The following ATP9A variants were observed in gnomAD, a reference collection of about 807,000 sequenced individuals.
The protein encoded by ATP9A is ATPase phospholipid transporting 9A, also known as probable phospholipid-transporting ATPase IIA.
In ATP9A, 52 loss-of-function variants were observed where a neutral mutation model predicts 144.1. The ratio of observed to expected loss-of-function variants is 0.36; its 90% CI spans 0.29 to 0.45. The LOEUF (loss-of-function observed/expected upper bound fraction) is 0.45, where lower values mean the gene tolerates loss of function less well. ATP9A is among the 20% of genes least tolerant of loss of function. The pLI is 1.00. For synonymous variants in ATP9A, 582 were observed against 557.4 expected, an observed-to-expected ratio of 1.04 and a Z score of -0.62; for missense variants, 947 against 1,392.7, an observed-to-expected ratio of 0.68 and a Z score of 5.09.
In ATP9A at chr20:51,598,183, AAAAG is replaced by A. The variant is rs139866325; in HGVS notation, c.*3024_*3027del. The A allele has an allele frequency of 9.4e-3, 983 of 104,188 alleles. 12 individuals carry two copies. Among genetic ancestry groups the A allele is most frequent in the African/African-American group, 0.034 (931 of 27,722 alleles). 6.5% of individuals were successfully genotyped at this position (104,188 alleles called of 1,614,324 possible). On this transcript the variant is annotated 3_prime_UTR_variant, in exon 28 of 28. Coordinates refer to ENST00000338821, the MANE Select transcript of ATP9A (RefSeq NM_006045.3). ...GTCTGGTGATTTTCTTAGAGAAAAA[AAAAG>A]AGAGACAAAAAGGAAGGGGTGGGGG...
At chr20:51,618,216 C>CT (rs2077211325) in intron 21 of ATP9A, among the ~76,000 whole-genome samples, 1 of 142,774 alleles carries the variant, frequency 7.0e-6, no homozygotes, top group African/African-American at 2.7e-5. Flanking sequence ...GTGACTCCGT[C>CT]TTAAAAAAAA....
At chr20:51,731,019 T>A (rs6096548) in intron 1 of ATP9A, among the ~76,000 whole-genome samples, 35,688 of 151,338 alleles carry the variant, frequency 0.24, 4,511 homozygotes, top group Non-Finnish European at 0.27. Context: ...AAAATTAAAT[T>A]TTTTAGCCAG....
intron 27 of ATP9A, among the ~76,000 whole-genome samples, chr20:51,603,698 G>C (rs1258464666): frequency 6.6e-6 from 1 of 152,162 alleles, no homozygotes. Flanking sequence ...ACTGAGGTCA[G>C]AGAAATCTGC....
intron 18 of ATP9A, among the ~76,000 whole-genome samples, chr20:51,624,623 C>T (rs925193948): frequency 3.9e-5 from 6 of 152,178 alleles, no homozygotes; most frequent in Admixed American, 3.9e-4. Context: ...ACGCTGGACA[C>T]TGCTCGGCCT....
rs1431858076 is a variant in ATP9A, at chr20:51,613,752, G to A, written c.2496C>T (p.Gly832=). The A allele has an allele frequency of 6.2e-7, 1 of 1,614,148 alleles. No individual in the cohort carries two copies. Among genetic ancestry groups the A allele is most frequent in the East Asian group, 2.2e-5 (1 of 44,884 alleles). ...KHLGRLLMVH[G]RNSYKRSAAL... ...CGGCTGACCGCTTGTAGCTGTTCCG[G>A]CCATGCACCATAAGCAACCGGCCAA... The change falls in exon 23 of 28, where the codon GGC becomes GGT. Residue 832 remains glycine, a synonymous_variant. Coordinates refer to ENST00000338821, the MANE Select transcript of ATP9A (RefSeq NM_006045.3).
intron 14 of ATP9A, among the ~76,000 whole-genome samples, chr20:51,655,550 C>A (rs1361090723): frequency 1.3e-5 from 2 of 152,152 alleles, no homozygotes; most frequent in Non-Finnish European, 2.9e-5. Flanking sequence ...CAGGGGCCAT[C>A]CGGAAAATAC....
chr20:51,715,570 C>T (rs191834066), intron 3 of ATP9A, among the ~76,000 whole-genome samples: 1 of 152,270 alleles, frequency 6.6e-6, no homozygotes, highest in Admixed American at 6.5e-5. Flanking sequence ...AGACAGGAGC[C>T]GCTCACTAAC....
intron 10 of ATP9A, 110 bp downstream of exon 10, chr20:51,676,022 T>A: frequency 1.3e-6 from 1 of 759,674 alleles, no homozygotes; most frequent in Non-Finnish European, 2.2e-6. Flanking sequence ...AAAGATAAAA[T>A]GTCTGTATAA....
At chr20:51,604,600 C>T (rs1174114784) in intron 27 of ATP9A, among the ~76,000 whole-genome samples, 1 of 152,168 alleles carries the variant, frequency 6.6e-6, no homozygotes, top group African/African-American at 2.4e-5. Context: ...CTACTGCAAT[C>T]ACGCCCTCTG....
chr20:51,716,525 G>T (rs1191340984), intron 3 of ATP9A, among the ~76,000 whole-genome samples: 2 of 150,212 alleles, frequency 1.3e-5, no homozygotes, highest in Non-Finnish European at 3.0e-5. Flanking sequence ...ATGGTGGCTC[G>T]TGCTATGGTC....
intron 11 of ATP9A, among the ~76,000 whole-genome samples, chr20:51,673,658 G>A (rs2077465376): frequency 1.3e-5 from 2 of 152,292 alleles, no homozygotes; most frequent in South Asian, 2.1e-4. Flanking sequence ...AAGAAAGGAT[G>A]GCTTGTGGAG....
chr20:51,637,328 A>T (rs1160535616), intron 15 of ATP9A, among the ~76,000 whole-genome samples: 2 of 149,170 alleles, frequency 1.3e-5, no homozygotes, highest in African/African-American at 5.0e-5. Context: ...AAAAAAAAAA[A>T]AGACAACTGG....
intron 1 of ATP9A, among the ~76,000 whole-genome samples, chr20:51,731,202 G>A (rs2077739569): frequency 2.0e-5 from 3 of 152,020 alleles, no homozygotes; most frequent in African/African-American, 7.3e-5. Flanking sequence ...TACTCGGGAG[G>A]CTGAGGCAGG....
intron 7 of ATP9A, among the ~76,000 whole-genome samples, chr20:51,692,174 T>C (rs2077551234): frequency 6.6e-6 from 1 of 152,240 alleles, no homozygotes; most frequent in African/African-American, 2.4e-5. Flanking sequence ...TGAACACGGC[T>C]GATGCCTGCA....
At chr20:51,640,577 G>A (rs2077314685) in intron 14 of ATP9A, among the ~76,000 whole-genome samples, 1 of 152,210 alleles carries the variant, frequency 6.6e-6, no homozygotes, top group Non-Finnish European at 1.5e-5. Context: ...CTGGCACCTG[G>A]ATCCGCCTGG....
At chr20:51,739,758 G>A (rs1308315789) in intron 1 of ATP9A, among the ~76,000 whole-genome samples, 2 of 152,200 alleles carry the variant, frequency 1.3e-5, no homozygotes, top group African/African-American at 4.8e-5. Flanking sequence ...ACAGGCTTGA[G>A]AAGGGACAGT....
chr20:51,716,670 T>G (rs1245546942), intron 3 of ATP9A, among the ~76,000 whole-genome samples: 1 of 151,554 alleles, frequency 6.6e-6, no homozygotes, highest in Admixed American at 6.6e-5. Flanking sequence ...GCAAAAAATT[T>G]AAAACTTAAC....
chr20:51,701,144 T>TG (rs1000928936), intron 4 of ATP9A, among the ~76,000 whole-genome samples: 22 of 152,212 alleles, frequency 1.4e-4, no homozygotes, highest in African/African-American at 5.1e-4. Context: ...CTGGCCCAAA[T>TG]GATCACACCC....
chr20:51,685,527 C>T (rs1211740997), intron 9 of ATP9A, among the ~76,000 whole-genome samples: 1 of 151,812 alleles, frequency 6.6e-6, no homozygotes, highest in Non-Finnish European at 1.5e-5. Context: ...CACAACACTG[C>T]ACTCCAGCCT....
Sources: gnomAD v4.1 joint callset for allele counts (sites outside exome capture counted in the v4.1 genomes callset) on GRCh38, gnomAD v4.1.1 for gene constraint, MANE v1.5 for transcripts, NCBI Gene and HGNC (gene_info 2026-07-23, HGNC 2026-07-21) for gene names.